TNKS: variants seen among roughly 807,000 people sequenced by gnomAD.
TNKS encodes tankyrase, also known as poly [ADP-ribose] polymerase tankyrase-1.
Under a neutral mutation model 135.8 loss-of-function variants are expected in TNKS, and 72 were observed. The ratio of observed to expected loss-of-function variants is 0.53; its 90% CI spans 0.44 to 0.64. The LOEUF (loss-of-function observed/expected upper bound fraction) is 0.64. Among genes scored for constraint, TNKS ranks in the 30% least tolerant of loss-of-function variants. TNKS has a pLI of 0.00. For missense variants in TNKS, 1,769 were observed against 1,674.0 expected, an observed-to-expected ratio of 1.06 and a Z score of -0.99; for synonymous variants, 849 against 649.3, an observed-to-expected ratio of 1.31 and a Z score of -4.68.
chr8:9,591,488 A>G lies in TNKS; in HGVS notation c.898+11105A>G, dbSNP rs542464350. Among the ~76,000 whole-genome samples the G allele has an allele frequency of 3.3e-5, 5 of 152,324 alleles. No homozygotes were observed. In the South Asian group the frequency reaches 8.3e-4, roughly 25 times the overall value. On this transcript the variant is annotated intron_variant, in intron 2 of 26. Coordinates refer to ENST00000310430, the MANE Select transcript of TNKS (RefSeq NM_003747.3). ...GAATGCTAAGTGCACATTGGACTGT[A>G]AAAGAAGCTGCGTTGCCCTAATGGC...
intron 16 of TNKS, 22 bp from the exon 17 acceptor site, chr8:9,735,355 G>A (rs1192154230): frequency 1.9e-6 from 3 of 1,600,700 alleles, no homozygotes; most frequent in Non-Finnish European, 2.6e-6. Context: ...CACGTTTCCT[G>A]TATTTTTTTT....
intron 3 of TNKS, among the ~76,000 whole-genome samples, chr8:9,669,614 A>G (rs1802176215): frequency 6.6e-6 from 1 of 152,164 alleles, no homozygotes; most frequent in Non-Finnish European, 1.5e-5. Flanking sequence ...TACTTTGTCC[A>G]ATAATCTTTC....
At chr8:9,747,094 G>A (rs892426294) in intron 17 of TNKS, among the ~76,000 whole-genome samples, 2 of 151,830 alleles carry the variant, frequency 1.3e-5, no homozygotes, top group Admixed American at 1.3e-4. Flanking sequence ...TGTTGGCCAG[G>A]CTGGTCTCGA....
chr8:9,643,269 A>AT (rs1800787652), intron 3 of TNKS, among the ~76,000 whole-genome samples: 1 of 145,670 alleles, frequency 6.9e-6, no homozygotes, highest in African/African-American at 2.5e-5. Context: ...AAAGAAGTTT[A>AT]TTTTTTTCAG....
chr8:9,768,465 A>G (rs569064991), intron 25 of TNKS, among the ~76,000 whole-genome samples: 1 of 152,354 alleles, frequency 6.6e-6, no homozygotes, highest in Non-Finnish European at 1.5e-5. Flanking sequence ...AAAATTTGCC[A>G]CCAGGGCTAA....
At chr8:9,661,357 A>G (rs2128787729) in intron 3 of TNKS, among the ~76,000 whole-genome samples, 1 of 152,334 alleles carries the variant, frequency 6.6e-6, no homozygotes, top group South Asian at 2.1e-4. Flanking sequence ...CAGTAACCAA[A>G]ACAGCATGGT....
intron 2 of TNKS, among the ~76,000 whole-genome samples, chr8:9,591,110 G>T (rs943520115): frequency 6.6e-6 from 1 of 152,204 alleles, no homozygotes; most frequent in African/African-American, 2.4e-5. Flanking sequence ...TCATGCCTTT[G>T]CATGTGGCTA....
intron 3 of TNKS, chr8:9,670,858 G>A (rs1409454824): frequency 6.6e-6 from 1 of 152,178 alleles, no homozygotes; most frequent in South Asian, 2.1e-4. Context: ...GAACTTTATT[G>A]TAGAATTTGT....
intron 3 of TNKS, among the ~76,000 whole-genome samples, chr8:9,631,559 A>C (rs941358040): frequency 6.6e-5 from 10 of 152,232 alleles, no homozygotes; most frequent in African/African-American, 2.4e-4. Context: ...TGGTAGACTT[A>C]GTTATCACAA....
chr8:9,772,831 CTGTGTGTGTGTGTG>C (rs71201974), intron 26 of TNKS, among the ~76,000 whole-genome samples: 30 of 119,034 alleles, frequency 2.5e-4, no homozygotes, highest in African/African-American at 5.6e-4. Flanking sequence ...GTGTGTGTGT[CTGTGTGTGTGTGTG>C]TGTGTGTGTG....
chr8:9,629,668 T>C (rs1040833219), intron 3 of TNKS, among the ~76,000 whole-genome samples: 4 of 152,218 alleles, frequency 2.6e-5, no homozygotes, highest in African/African-American at 9.6e-5. Context: ...TACTTTCTCT[T>C]TTTGGTTTTG....
At chr8:9,676,686 C>CTCTCTGTGTG (rs1554467464) in intron 3 of TNKS, among the ~76,000 whole-genome samples, 22 of 147,786 alleles carry the variant, frequency 1.5e-4, no homozygotes, top group African/African-American at 5.5e-4. Context: ...CTCTCTCTCT[C>CTCTCTGTGTG]TGTGTGTGTG....
chr8:9,772,895 A>C (rs1056847214), intron 26 of TNKS, among the ~76,000 whole-genome samples: 1 of 146,314 alleles, frequency 6.8e-6, no homozygotes, highest in African/African-American at 2.6e-5. Context: ...TATCTAGTAT[A>C]CAGGGATAGG....
At chr8:9,724,451 A>G (rs1805062015) in intron 12 of TNKS, among the ~76,000 whole-genome samples, 1 of 151,062 alleles carries the variant, frequency 6.6e-6, no homozygotes, top group Non-Finnish European at 1.5e-5. Flanking sequence ...AAATAAATAA[A>G]TTTCATGTTA....
At chr8:9,621,210 G>A (rs1249404903) in intron 3 of TNKS, among the ~76,000 whole-genome samples, 1 of 152,136 alleles carries the variant, frequency 6.6e-6, no homozygotes, top group Non-Finnish European at 1.5e-5. Context: ...TTTCTCAGAT[G>A]GCTCTTATGA....
chr8:9,577,966 C>G (rs1217977282), intron 1 of TNKS, among the ~76,000 whole-genome samples: 1 of 152,168 alleles, frequency 6.6e-6, no homozygotes, highest in Non-Finnish European at 1.5e-5. Context: ...GAGAAATCAA[C>G]CAAAACAAAG....
At chr8:9,684,633 A>T (rs139660889) in intron 5 of TNKS, among the ~76,000 whole-genome samples, 11 of 152,252 alleles carry the variant, frequency 7.2e-5, no homozygotes, top group Admixed American at 6.5e-4. Flanking sequence ...CTACTAGTAT[A>T]TGTCACCAAT....
intron 3 of TNKS, among the ~76,000 whole-genome samples, chr8:9,664,617 A>G (rs576998775): frequency 1.1e-4 from 16 of 152,348 alleles, no homozygotes; most frequent in Admixed American, 9.2e-4. Flanking sequence ...GACCAAATAC[A>G]TATTTCTTAT....
In TNKS at chr8:9,769,200, T is replaced by C. The variant is rs73662518; in HGVS notation, c.3741-906T>C. Among the ~76,000 whole-genome samples, 323 of 152,324 alleles carry C rather than the reference T, an allele frequency of 2.1e-3. 1 individual carries two copies. Among genetic ancestry groups the C allele is most frequent in the African/African-American group, 7.5e-3 (312 of 41,570 alleles). On this transcript the variant is annotated intron_variant, in intron 25 of 26. Transcript: ENST00000310430. ...CACAGACTATATGTAAATGAATGCA[T>C]GGCTGTGTGCCAATAAAATTGTATT... is the stretch of plus-strand genomic sequence containing the variant.
Sources: allele counts gnomAD v4.1 joint callset (sites outside exome capture counted in the v4.1 genomes callset), GRCh38; gene constraint gnomAD v4.1.1; transcripts MANE v1.5; gene names NCBI Gene and HGNC (gene_info 2026-07-23, HGNC 2026-07-21).